The following DRC10 variants were observed in gnomAD, a reference collection of about 807,000 sequenced individuals.
The protein encoded by DRC10 is IQ domain-containing protein D.
At chr12:113,207,637 C>G in the DRC10 span, 1 of 1,614,124 alleles carries the variant, frequency 6.2e-7, no homozygotes. Context: ...GGCTTCTGCA[C>G]TTCTACCCTG....
At chr12:113,195,677 C>T in the DRC10 span, 4 of 1,613,638 alleles carry the variant, frequency 2.5e-6, no homozygotes, top group Admixed American at 3.3e-5. Flanking sequence ...GCAGGGAGCG[C>T]ACCAGATAGC....
the DRC10 span, among the ~76,000 whole-genome samples, chr12:113,196,828 T>C: frequency 6.6e-6 from 1 of 152,180 alleles, no homozygotes; most frequent in Non-Finnish European, 1.5e-5. Context: ...CCTGAGCACT[T>C]CCCTCCAGGC....
chr12:113,203,549 C>T, the DRC10 span, among the ~76,000 whole-genome samples: 2 of 149,998 alleles, frequency 1.3e-5, no homozygotes, highest in Admixed American at 1.3e-4. Flanking sequence ...AATCTAGGCT[C>T]ACTGCAATCT....
chr12:113,198,937 T>A, the DRC10 span, among the ~76,000 whole-genome samples: 1 of 149,860 alleles, frequency 6.7e-6, no homozygotes, highest in African/African-American at 2.4e-5. Flanking sequence ...CAAAAAATGA[T>A]ACTTTTTTTT....
the DRC10 span, chr12:113,207,427 T>A: frequency 6.3e-7 from 1 of 1,599,786 alleles, no homozygotes; most frequent in Non-Finnish European, 8.6e-7. Flanking sequence ...AGCAATACTA[T>A]GAAACAATAC....
chr12:113,203,360 T>A, the DRC10 span, among the ~76,000 whole-genome samples: 2 of 151,954 alleles, frequency 1.3e-5, no homozygotes, highest in East Asian at 3.9e-4. Context: ...TGGTGTGGTA[T>A]GCCTATAATC....
the DRC10 span, among the ~76,000 whole-genome samples, chr12:113,215,650 A>G: frequency 1.3e-5 from 2 of 152,202 alleles, no homozygotes; most frequent in South Asian, 4.1e-4. Flanking sequence ...TCAGTTCATC[A>G]GGAATTTTAA....
the DRC10 span, among the ~76,000 whole-genome samples, chr12:113,217,693 G>A: frequency 6.6e-6 from 1 of 152,058 alleles, no homozygotes; most frequent in East Asian, 1.9e-4. Flanking sequence ...TACCACGCTT[G>A]GCTAATTTTT....
chr12:113,221,033 A>T, the DRC10 span: 5 of 398,530 alleles, frequency 1.3e-5, no homozygotes, highest in Non-Finnish European at 2.6e-5. Flanking sequence ...AGCCACAGTT[A>T]CCGCCGCGGT....
At chr12:113,201,930 G>C in the DRC10 span, among the ~76,000 whole-genome samples, 1 of 152,172 alleles carries the variant, frequency 6.6e-6, no homozygotes, top group Non-Finnish European at 1.5e-5. Context: ...TGCCTGATTG[G>C]TGTCTCCCCT....
the DRC10 span, chr12:113,207,705 G>A: frequency 7.4e-6 from 12 of 1,614,032 alleles, no homozygotes; most frequent in South Asian, 4.4e-5. Context: ...GTCTAAGGAC[G>A]TTCTTGGTGG....
chr12:113,212,875 C>A, the DRC10 span, among the ~76,000 whole-genome samples: 132 of 152,090 alleles, frequency 8.7e-4, 1 homozygote, highest in African/African-American at 2.9e-3. Context: ...AAATTCCTGC[C>A]CTGAGAGTGA....
chr12:113,218,656 C>G, the DRC10 span, among the ~76,000 whole-genome samples: 1 of 151,794 alleles, frequency 6.6e-6, no homozygotes, highest in African/African-American at 2.4e-5. Flanking sequence ...TTACCAGGCT[C>G]CTAGGCTCAA....
chr12:113,214,777 A>G, the DRC10 span, among the ~76,000 whole-genome samples: 5 of 152,318 alleles, frequency 3.3e-5, no homozygotes, highest in Admixed American at 2.6e-4. Flanking sequence ...TTTTTAAACA[A>G]AAGTTTTAAA....
chr12:113,203,608 T>C, the DRC10 span, among the ~76,000 whole-genome samples: 1 of 151,722 alleles, frequency 6.6e-6, no homozygotes, highest in African/African-American at 2.4e-5. Context: ...CCCGAGTAGC[T>C]GAGATTATAG....
the DRC10 span, among the ~76,000 whole-genome samples, chr12:113,214,710 G>A: frequency 3.3e-5 from 5 of 152,084 alleles, no homozygotes; most frequent in African/African-American, 4.8e-5. Context: ...TGATAGAACT[G>A]TAGGCCAACA....
the DRC10 span, among the ~76,000 whole-genome samples, chr12:113,196,541 G>A: frequency 7.9e-5 from 12 of 152,108 alleles, no homozygotes; most frequent in African/African-American, 2.2e-4. Context: ...GTCCCTGCCC[G>A]CAACCAACCC....
chr12:113,208,141 G>T, the DRC10 span: 20 of 1,613,772 alleles, frequency 1.2e-5, no homozygotes, highest in African/African-American at 8.0e-5. Context: ...ATACAAAGGG[G>T]CCATGGCGAG....
chr12:113,213,266 T>G, the DRC10 span, among the ~76,000 whole-genome samples: 2 of 151,696 alleles, frequency 1.3e-5, no homozygotes, highest in African/African-American at 2.4e-5. Context: ...ACTCTTAATT[T>G]AGGTTCGGGT....
Sources: allele counts gnomAD v4.1 joint callset (sites outside exome capture counted in the v4.1 genomes callset), GRCh38; gene constraint gnomAD v4.1.1; transcripts MANE v1.5; gene names NCBI Gene and HGNC (gene_info 2026-07-23, HGNC 2026-07-21).